CNBD1: variants seen among roughly 807,000 people sequenced by gnomAD.
CNBD1 encodes the protein cyclic nucleotide-binding domain-containing protein 1.
In CNBD1, 71 loss-of-function variants were observed where a neutral mutation model predicts 54.4. That is an observed-to-expected ratio of 1.30 (90% CI 1.08 to 1.59). CNBD1 has a LOEUF of 1.59. Ranked by LOEUF, CNBD1 falls within the 40% of genes most tolerant of loss-of-function variation. CNBD1 has a pLI of 0.00. For synonymous variants in CNBD1, 182 were observed against 170.7 expected (o/e 1.07, Z -0.51); for missense variants, 659 against 518.0 (o/e 1.27, Z -2.64).
intron 4 of CNBD1, among the ~76,000 whole-genome samples, chr8:87,119,144 A>C (rs1217682179): frequency 6.6e-6 from 1 of 152,182 alleles, no homozygotes; most frequent in East Asian, 1.9e-4. Flanking sequence ...TGACAGCGGT[A>C]TTTTGATAGA....
chr8:86,930,919 G>T, intron 3 of CNBD1, among the ~76,000 whole-genome samples: 1 of 152,162 alleles, frequency 6.6e-6, no homozygotes, highest in East Asian at 1.9e-4. Flanking sequence ...TTTGGATTGG[G>T]TGGGCATTTT....
chr8:87,160,779 A>G (rs1812841783), intron 4 of CNBD1, among the ~76,000 whole-genome samples: 1 of 152,086 alleles, frequency 6.6e-6, no homozygotes, highest in Non-Finnish European at 1.5e-5. Context: ...TTTAAAAAAA[A>G]CAGAAAATAC....
chr8:87,214,318 G>T (rs559518060), intron 5 of CNBD1, among the ~76,000 whole-genome samples: 1 of 152,128 alleles, frequency 6.6e-6, no homozygotes, highest in Admixed American at 6.5e-5. Context: ...CCTCTAGGGC[G>T]GGGGCAAAAT....
At chr8:87,191,328 T>C (rs1813605251) in intron 4 of CNBD1, among the ~76,000 whole-genome samples, 1 of 152,104 alleles carries the variant, frequency 6.6e-6, no homozygotes, top group African/African-American at 2.4e-5. Flanking sequence ...AGCAAAATTA[T>C]CCCCATTCTT....
At chr8:87,117,270 G>A (rs1222476007) in intron 4 of CNBD1, among the ~76,000 whole-genome samples, 1 of 151,822 alleles carries the variant, frequency 6.6e-6, no homozygotes, top group African/African-American at 2.4e-5. Flanking sequence ...GTGGTAGCAG[G>A]TGCCTATAAT....
chr8:87,374,329 C>T (rs184468551), intron 10 of CNBD1, among the ~76,000 whole-genome samples: 1 of 151,564 alleles, frequency 6.6e-6, no homozygotes, highest in Non-Finnish European at 1.5e-5. Context: ...TTTTAGGAAG[C>T]CTGTAATAAA....
At chr8:87,235,726 C>T (rs1265364837) in intron 5 of CNBD1, among the ~76,000 whole-genome samples, 1 of 152,050 alleles carries the variant, frequency 6.6e-6, no homozygotes, top group Non-Finnish European at 1.5e-5. Context: ...AAATGTGACA[C>T]AGAAACACAA....
At chr8:87,106,634 G>T (rs1467391232) in intron 4 of CNBD1, among the ~76,000 whole-genome samples, 1 of 152,090 alleles carries the variant, frequency 6.6e-6, no homozygotes, top group Non-Finnish European at 1.5e-5. Flanking sequence ...GTATCCATGT[G>T]CTTCTCTACC....
At chr8:87,375,832 T>A (rs559468432) in intron 10 of CNBD1, among the ~76,000 whole-genome samples, 2 of 152,034 alleles carry the variant, frequency 1.3e-5, no homozygotes, top group Admixed American at 6.6e-5. Context: ...CACTAAATAC[T>A]TTCCTAATAT....
intron 10 of CNBD1, among the ~76,000 whole-genome samples, chr8:87,372,457 G>T (rs1052879146): frequency 1.3e-5 from 2 of 151,770 alleles, no homozygotes; most frequent in African/African-American, 4.8e-5. Context: ...ACTTTATAAT[G>T]TTTGTTCCCA....
rs529432162 is a variant in CNBD1, at chr8:86,890,052, T to G, written c.158+2441T>G. 3.3e-5 allele frequency among the ~76,000 whole-genome samples: 5 copies of G among 152,286 alleles called. No individual in the cohort carries two copies. The South Asian group carries it at 1.0e-3, about 32-fold the overall frequency. On this transcript the variant is annotated intron_variant, in intron 2 of 10. Coordinates refer to ENST00000518476, the MANE Select transcript of CNBD1 (RefSeq NM_173538.3). ...GTATATGTATACAATGTGGAATAAT[T>G]AAATCAATATGTTTAATATATCCAT... is the stretch of plus-strand genomic sequence containing the variant.
At chr8:87,086,708 G>T (rs1224683901) in intron 4 of CNBD1, among the ~76,000 whole-genome samples, 3 of 151,852 alleles carry the variant, frequency 2.0e-5, no homozygotes, top group Non-Finnish European at 4.4e-5. Context: ...TAAATTATGT[G>T]ATTATTTACT....
intron 2 of CNBD1, among the ~76,000 whole-genome samples, chr8:86,899,416 C>T (rs928269520): frequency 6.6e-6 from 1 of 151,594 alleles, no homozygotes; most frequent in African/African-American, 2.4e-5. Context: ...TGTATGTATT[C>T]TAGAACATCA....
intron 4 of CNBD1, among the ~76,000 whole-genome samples, chr8:87,174,079 C>T (rs974399833): frequency 6.6e-6 from 1 of 152,060 alleles, no homozygotes; most frequent in Non-Finnish European, 1.5e-5. Context: ...CTGCCTCAGC[C>T]TCCCGAGTGG....
At position 87,022,448 on chromosome 8, in the gene CNBD1, T is replaced by A. The variant is rs188177073; in HGVS notation, c.431+82694T>A. On this transcript the variant is annotated intron_variant, in intron 4 of 10. Coordinates refer to ENST00000518476, the MANE Select transcript of CNBD1 (RefSeq NM_173538.3). ...TGTAATACAATTTACTGTGGAGAAC[T>A]GTGAAATGGGAAGGTTATATTTTTC... Among the ~76,000 whole-genome samples the A allele has an allele frequency of 1.2e-4, 18 of 152,326 alleles. No homozygotes were observed. The East Asian group carries it at 3.5e-3, about 29-fold the overall frequency.
intron 4 of CNBD1, among the ~76,000 whole-genome samples, chr8:87,080,634 G>A (rs1810972353): frequency 6.6e-6 from 1 of 151,754 alleles, no homozygotes; most frequent in Non-Finnish European, 1.5e-5. Context: ...TTTAGGATTT[G>A]AATCATTTTT....
chr8:87,344,764 A>G (rs969573660), intron 8 of CNBD1, among the ~76,000 whole-genome samples: 2 of 152,120 alleles, frequency 1.3e-5, no homozygotes, highest in African/African-American at 4.8e-5. Context: ...GTTGCATGGT[A>G]CCATCCATGT....
intron 4 of CNBD1, among the ~76,000 whole-genome samples, chr8:87,021,818 C>T (rs1760683803): frequency 6.6e-6 from 1 of 152,058 alleles, no homozygotes; most frequent in Non-Finnish European, 1.5e-5. Flanking sequence ...AAAGAAAATA[C>T]ACATAAATGC....
At chr8:86,902,442 T>G (rs1418048789) in intron 2 of CNBD1, among the ~76,000 whole-genome samples, 6 of 152,120 alleles carry the variant, frequency 3.9e-5, no homozygotes, top group African/African-American at 1.4e-4. Flanking sequence ...AAAATGGTCT[T>G]AAGGGTGAGG....
Sources: gnomAD v4.1 joint callset for allele counts (sites outside exome capture counted in the v4.1 genomes callset) on GRCh38, gnomAD v4.1.1 for gene constraint, MANE v1.5 for transcripts, NCBI Gene and HGNC (gene_info 2026-07-23, HGNC 2026-07-21) for gene names.